Variants in UGT1A9 observed in about 807,000 individuals in gnomAD.
UGT1A9 encodes the protein UDP-glucuronosyltransferase 1A9.
In UGT1A9, 35 loss-of-function variants were observed where a neutral mutation model predicts 45.0. That is an observed-to-expected ratio of 0.78 (90% CI 0.59 to 1.03). The LOEUF (loss-of-function observed/expected upper bound fraction) is 1.03. Ranked by LOEUF, UGT1A9 falls within the 50% of genes least tolerant of loss-of-function variation. The pLI is 0.00. For missense variants in UGT1A9, 687 were observed against 666.6 expected (o/e 1.03, Z -0.34); for synonymous variants, 278 against 250.6 (o/e 1.11, Z -1.03).
intron 1 of UGT1A9, among the ~76,000 whole-genome samples, chr2:233,737,258 C>A (rs552536149): frequency 6.6e-6 from 1 of 152,360 alleles, no homozygotes; most frequent in Admixed American, 6.5e-5. Context: ...CAAGCCTCAG[C>A]AATGGCGGAC....
At chr2:233,739,351 C>A (rs1394476158) in intron 1 of UGT1A9, among the ~76,000 whole-genome samples, 1 of 152,186 alleles carries the variant, frequency 6.6e-6, no homozygotes, top group Admixed American at 6.5e-5. Context: ...CCCAGAAGGG[C>A]AGATCCAATA....
At chr2:233,727,618 G>A (rs577107936) in intron 1 of UGT1A9, among the ~76,000 whole-genome samples, 2 of 152,292 alleles carry the variant, frequency 1.3e-5, no homozygotes, top group South Asian at 2.1e-4. Context: ...TTCAGAGGCT[G>A]AGAGGTTGCA....
chr2:233,697,534 T>C (rs879329254), intron 1 of UGT1A9, among the ~76,000 whole-genome samples: 14 of 151,894 alleles, frequency 9.2e-5, no homozygotes, highest in Admixed American at 5.9e-4. Flanking sequence ...TTTTGTTTCA[T>C]TGGTCTTTGC....
rs778641747 is a variant in UGT1A9 at position 233,768,443 on chromosome 2, A to G, written c.1295+4A>G. 8.1e-6 allele frequency: 13 copies of G among 1,613,284 alleles called. No homozygotes were observed. In the South Asian group the frequency reaches 1.4e-4, roughly 18 times the overall value. On this transcript the variant is annotated splice_donor_region_variant and intron_variant, in intron 4 of 4. Transcript: ENST00000354728. Reference sequence around the variant, plus strand: ...AAGCAGTCATCAATGACAAAAGGTAAGAAAGAAGATACAGAAGAATACTTT... The same window carrying G: ...AAGCAGTCATCAATGACAAAAGGTAGGAAAGAAGATACAGAAGAATACTTT...
At position 233,767,472 on chromosome 2, in the gene UGT1A9, A is replaced by G. The variant is rs1018124; in HGVS notation, c.987+307A>G. 0.091 allele frequency among the ~76,000 whole-genome samples: 13,872 copies of G among 152,248 alleles called. 828 individuals carry two copies. The highest frequency in any genetic ancestry group is 0.2 in the East Asian group (1,015 of 5,184). On this transcript the variant is annotated intron_variant, in intron 2 of 4. Coordinates refer to ENST00000354728, the MANE Select transcript of UGT1A9 (RefSeq NM_021027.3). ...AATAAATGGGATATTGTTTCTTCAT[A>G]TTAAATAGAAGTATTTCTCCAAAAA...
rs1276219034 is a variant in UGT1A9 at position 233,672,208 on chromosome 2, GC to G, written c.275del (p.Ala92ValfsTer18). On this transcript the variant is annotated frameshift_variant, in exon 1 of 5. Transcript: ENST00000354728. LOFTEE classifies it high-confidence loss of function. Reference sequence around the variant, plus strand: ...GGAGGATCTGGACCGGGAGTTCAAGGCTTTTGCCCATGCTCAATGGAAAGCA... The same window carrying G: ...GGAGGATCTGGACCGGGAGTTCAAGGTTTTGCCCATGCTCAATGGAAAGCA... ...TLEDLDREFK[A>X]FAHAQWKAQV... 28 of 1,614,156 alleles carry G rather than the reference GC, an allele frequency of 1.7e-5. No individual in the cohort carries two copies. The highest frequency in any genetic ancestry group is 2.3e-5 in the Non-Finnish European group (27 of 1,180,012).
intron 1 of UGT1A9, among the ~76,000 whole-genome samples, chr2:233,687,585 A>G (rs1319923508): frequency 2.2e-5 from 1 of 45,500 alleles, no homozygotes; most frequent in Non-Finnish European, 4.5e-5. Context: ...ATTCTTTGTA[A>G]AAAAAAAAAA....
chr2:233,710,462 G>A (rs1359524823), intron 1 of UGT1A9, among the ~76,000 whole-genome samples: 1 of 152,186 alleles, frequency 6.6e-6, no homozygotes, highest in Non-Finnish European at 1.5e-5. Flanking sequence ...CCATCCTAAT[G>A]GGTGTGTAGT....
chr2:233,758,943 A>T (rs1444308221), intron 1 of UGT1A9, among the ~76,000 whole-genome samples: 2 of 152,240 alleles, frequency 1.3e-5, no homozygotes, highest in Non-Finnish European at 2.9e-5. Context: ...CAAATCAGTC[A>T]TCAGAATTTC....
rs758216635 is a variant in UGT1A9 at position 233,672,568 on chromosome 2, A to C, written c.634A>C (p.Met212Leu). The C allele has an allele frequency of 1.9e-6, 3 of 1,613,800 alleles. No homozygotes were observed. The Admixed American group carries it at 5.0e-5, about 27-fold the overall frequency. The change falls in exon 1 of 5, where the codon ATG becomes CTG. Residue 212 changes from methionine to leucine, a missense_variant. Met to Leu is a conservative substitution (Grantham distance 15). Coordinates refer to ENST00000354728, the MANE Select transcript of UGT1A9 (RefSeq NM_021027.3). The part of the protein sequence containing the change: ...TFKERVRNHI[M>L]HLEEHLLCHR... ...CAAGGAGAGAGTACGGAACCACATC[A>C]TGCACTTGGAGGAACATTTATTATG...
At chr2:233,741,063 A>T (rs1349514104) in intron 1 of UGT1A9, among the ~76,000 whole-genome samples, 1 of 151,878 alleles carries the variant, frequency 6.6e-6, no homozygotes, top group Non-Finnish European at 1.5e-5. Flanking sequence ...ACAGCTACAG[A>T]GCGAGACCCT....
At chr2:233,685,459 G>A (rs900170556) in intron 1 of UGT1A9, among the ~76,000 whole-genome samples, 1 of 152,190 alleles carries the variant, frequency 6.6e-6, no homozygotes, top group Non-Finnish European at 1.5e-5. Flanking sequence ...ACCATCTAGG[G>A]CCAGTGCAGC....
At chr2:233,681,749 C>G (rs2074537294) in intron 1 of UGT1A9, 1 of 812,330 alleles carries the variant, frequency 1.2e-6, no homozygotes, top group Non-Finnish European at 1.5e-6. Context: ...AACATATAAG[C>G]AGGTATCTCA....
At position 233,718,885 on chromosome 2, in the gene UGT1A9, T is replaced by C. The variant is rs774756189; in HGVS notation, c.855+46096T>C. ...ACAGGACTGCTGCTCCTCCTCAGTG[T>C]CCAGCCCTGGGCTGAGAGTGGAAAG... On this transcript the variant is annotated intron_variant, in intron 1 of 4. Transcript: ENST00000354728. The C allele has an allele frequency of 6.2e-6, 10 of 1,613,986 alleles. No individual in the cohort carries two copies. Among genetic ancestry groups the C allele is most frequent in the Middle Eastern group, 1.7e-4 (1 of 5,990 alleles).
At chr2:233,763,025 C>T (rs532955500) in intron 1 of UGT1A9, among the ~76,000 whole-genome samples, 9 of 152,224 alleles carry the variant, frequency 5.9e-5, no homozygotes, top group African/African-American at 2.2e-4. Context: ...ATTATGTTAG[C>T]CATTGTTTTC....
Position 233,772,812 on chromosome 2 carries a change from C to A in UGT1A9, c.*253C>A. ...ATGACATGTGCCATTTTTCAGAGGA[C>A]GTGCAGACAGGCTGGCATTCTAGAT... is the stretch of plus-strand genomic sequence containing the variant. On this transcript the variant is annotated 3_prime_UTR_variant, in exon 5 of 5. Transcript: ENST00000354728. The A allele has an allele frequency of 1.9e-6, 2 of 1,035,896 alleles. No homozygotes were observed. Among genetic ancestry groups the A allele is most frequent in the Non-Finnish European group, 2.6e-6 (2 of 759,452 alleles). 64.2% of individuals were successfully genotyped at this position (1,035,896 alleles called of 1,614,324 possible). A position where few individuals can be genotyped will look rare whatever the true frequency, so the allele number is the denominator to read the frequency against.
At chr2:233,747,089 AC>A in intron 1 of UGT1A9, 1 of 1,215,556 alleles carries the variant, frequency 8.2e-7, no homozygotes, top group Non-Finnish European at 1.1e-6. Context: ...GGAGGAGAGC[AC>A]TCTATCTTCC....
chr2:233,731,014 G>A (rs759586462), intron 1 of UGT1A9, among the ~76,000 whole-genome samples: 7 of 152,190 alleles, frequency 4.6e-5, no homozygotes, highest in Non-Finnish European at 7.3e-5. Context: ...TACATCGTGA[G>A]AGAATCAGCC....
chr2:233,770,903 T>C (rs35203651), intron 4 of UGT1A9: 14,100 of 152,250 alleles, frequency 0.093, 767 homozygotes, highest in South Asian at 0.16. Flanking sequence ...CTGCAGGCTG[T>C]ACAGGAAGCT....
Sources: gnomAD v4.1 joint callset for allele counts (sites outside exome capture counted in the v4.1 genomes callset) on GRCh38, gnomAD v4.1.1 for gene constraint, MANE v1.5 for transcripts, NCBI Gene and HGNC (gene_info 2026-07-23, HGNC 2026-07-21) for gene names.